Variants in JAKMIP1 observed in about 807,000 individuals in gnomAD.
The protein encoded by JAKMIP1 is janus kinase and microtubule-interacting protein 1.
A neutral mutation model predicts 113.0 loss-of-function variants in JAKMIP1; 33 were observed. That is an observed-to-expected ratio of 0.29 (90% CI 0.22 to 0.39). The LOEUF is 0.39. Among genes scored for constraint, JAKMIP1 ranks in the 10% least tolerant of loss-of-function variants. JAKMIP1 has a pLI of 1.00. For synonymous variants in JAKMIP1, 480 were observed against 459.9 expected (o/e 1.04, Z -0.56); for missense variants, 813 against 1,080.5 (o/e 0.75, Z 3.47).
chr4:6,196,700 A>T (rs1727884103), intron 1 of JAKMIP1, among the ~76,000 whole-genome samples: 1 of 152,116 alleles, frequency 6.6e-6, no homozygotes, highest in African/African-American at 2.4e-5. Flanking sequence ...CTCTACTAAA[A>T]ATACAAAAAA....
At chr4:6,126,376 A>AACACACACCATGCAGAAACACTCACACAC (rs1287751613) in intron 1 of JAKMIP1, among the ~76,000 whole-genome samples, 2 of 134,806 alleles carry the variant, frequency 1.5e-5, no homozygotes, top group African/African-American at 2.9e-5. Flanking sequence ...CACATGCACA[A>AACACACACCATGCAGAAACACTCACACAC]ACACACATCA....
intron 16 of JAKMIP1, among the ~76,000 whole-genome samples, chr4:6,043,201 C>T (rs980252033): frequency 2.6e-5 from 4 of 151,958 alleles, no homozygotes; most frequent in Non-Finnish European, 5.9e-5. Context: ...CCCTCTTTCC[C>T]GACCCCAGGC....
rs769644028 is a variant in JAKMIP1, at chr4:6,089,623, G to A, written c.625-3994C>T. ...CTCTGCCCCAAAGGAACAGAGTCCG[G>A]TTGTTTCTAAGCAGTCAAGTCCACC... On this transcript the variant is annotated intron_variant, in intron 3 of 20. Coordinates refer to ENST00000409021, the MANE Select transcript of JAKMIP1 (RefSeq NM_001099433.2). The surrounding 1 kb of genome is among the most constrained non-coding windows in gnomAD (Gnocchi z 5.3). Among the ~76,000 whole-genome samples, 3 of 152,162 alleles carry A rather than the reference G, an allele frequency of 2.0e-5. No individual in the cohort carries two copies. The highest frequency in any genetic ancestry group is 4.4e-5 in the Non-Finnish European group (3 of 68,040).
At chr4:6,053,898 T>TAAA in intron 13 of JAKMIP1, 152 bp downstream of exon 13, 1 of 1,192,702 alleles carries the variant, frequency 8.4e-7, no homozygotes, top group Non-Finnish European at 1.1e-6. Flanking sequence ...CATACAGATT[T>TAAA]AAAAAAAAAA....
intron 12 of JAKMIP1, chr4:6,054,867 G>C: frequency 4.4e-6 from 2 of 456,716 alleles, no homozygotes; most frequent in South Asian, 3.1e-5. Context: ...CAGAAGGCTA[G>C]AGGGGGGCCC....
In JAKMIP1 at chr4:6,106,026, C is replaced by A; in HGVS notation, c.130-59G>T. On this transcript the variant is annotated intron_variant, in intron 2 of 20. Coordinates refer to ENST00000409021, the MANE Select transcript of JAKMIP1 (RefSeq NM_001099433.2). The surrounding 1 kb of genome is among the most constrained non-coding windows in gnomAD (Gnocchi z 5.9). ...TCAGGGTCAGGGTCAGGGTCAGGGT[C>A]AGGGTCACAGCTGGGGGAGCTGGCC... is the stretch of plus-strand genomic sequence containing the variant. 4 of 1,228,570 alleles carry A rather than the reference C, an allele frequency of 3.3e-6. No individual in the cohort carries two copies. The highest frequency in any genetic ancestry group is 4.5e-6 in the Non-Finnish European group (4 of 884,478). 76.1% of individuals were successfully genotyped at this position (1,228,570 alleles called of 1,614,324 possible).
rs60192174 is a variant in JAKMIP1, at chr4:6,157,509, T to C, written c.-148+42744A>G. On this transcript the variant is annotated intron_variant, in intron 1 of 20. Transcript: ENST00000409021. This position sits in a 1 kb window ranked among gnomAD's most constrained non-coding sequence, Gnocchi z 4.7. Reference sequence around the variant, plus strand: ...TTTCAAATCAAACTTCAGCGTACACTTTCCGTAACACCTTTTTTGACTAAG... The same window carrying C: ...TTTCAAATCAAACTTCAGCGTACACCTTCCGTAACACCTTTTTTGACTAAG... Among the ~76,000 whole-genome samples the C allele has an allele frequency of 0.07, 10,637 of 152,268 alleles. 584 individuals carry two copies. Among genetic ancestry groups the C allele is most frequent in the African/African-American group, 0.15 (6,160 of 41,530 alleles).
At chr4:6,110,629 A>G (rs1008275455) in intron 2 of JAKMIP1, among the ~76,000 whole-genome samples, 2 of 142,320 alleles carry the variant, frequency 1.4e-5, no homozygotes, top group African/African-American at 5.2e-5. Flanking sequence ...TGGTCATGTG[A>G]GCGTATGACA....
intron 3 of JAKMIP1, among the ~76,000 whole-genome samples, chr4:6,085,925 A>G (rs1262129130): frequency 1.3e-5 from 2 of 152,186 alleles, no homozygotes; most frequent in East Asian, 1.9e-4. Context: ...ATGAGATACA[A>G]TAAAACACTG....
Position 6,106,854 on chromosome 4 carries a change from AC to A in JAKMIP1, c.130-888del, listed in dbSNP as rs1479401903. On this transcript the variant is annotated intron_variant, in intron 2 of 20. Transcript: ENST00000409021. The surrounding 1 kb of genome is among the most constrained non-coding windows in gnomAD (Gnocchi z 5.9). Reference sequence around the variant, plus strand: ...TCCTGAATTCTGCCCGTCTCTGAAGACCTGAAATGAATTGCCTCTGGTGGAC... The same window carrying A: ...TCCTGAATTCTGCCCGTCTCTGAAGACTGAAATGAATTGCCTCTGGTGGAC... 1.3e-5 allele frequency among the ~76,000 whole-genome samples: 2 copies of A among 152,176 alleles called. No individual in the cohort carries two copies. The highest frequency in any genetic ancestry group is 2.9e-5 in the Non-Finnish European group (2 of 68,036).
chr4:6,119,035 G>A (rs937198607), intron 1 of JAKMIP1, among the ~76,000 whole-genome samples: 1 of 152,120 alleles, frequency 6.6e-6, no homozygotes, highest in Non-Finnish European at 1.5e-5. Flanking sequence ...GGAGCACTGC[G>A]GCCACACCAG....
intron 1 of JAKMIP1, among the ~76,000 whole-genome samples, chr4:6,160,605 C>A (rs1470068450): frequency 6.6e-6 from 1 of 152,114 alleles, no homozygotes; most frequent in Non-Finnish European, 1.5e-5. Flanking sequence ...AAGCATCCCT[C>A]CCTCCAGGAC....
chr4:6,105,839 C>T lies in JAKMIP1; in HGVS notation c.258G>A (p.Ala86=), dbSNP rs573053484. ...GCTGCCGGATGAGCCCCTCGCGCAG[C>T]GCCTGCAGCTCCTTGGTCTTCTCCT... ...LHEEKTKELQ[A]LREGLIRQHE... Residue 86 remains alanine (A), a synonymous_variant, in exon 3 of 21, where the codon GCG becomes GCA. Coordinates refer to ENST00000409021, the MANE Select transcript of JAKMIP1 (RefSeq NM_001099433.2). The T allele has an allele frequency of 1.4e-5, 23 of 1,611,542 alleles. No individual in the cohort carries two copies. Among genetic ancestry groups the T allele is most frequent in the Middle Eastern group, 3.3e-4 (2 of 6,060 alleles).
chr4:6,104,980 A>C (rs936627029), intron 3 of JAKMIP1, among the ~76,000 whole-genome samples: 2 of 152,214 alleles, frequency 1.3e-5, no homozygotes, highest in African/African-American at 4.8e-5. Context: ...GCTGGCAATT[A>C]GGCCGCCCAG....
rs911164209 is a variant in JAKMIP1, at chr4:6,086,210, T to C, written c.625-581A>G. The stretch of plus-strand genomic sequence containing the variant: ...CCCCAAGGCCACTTCCCATGGTTTC[T>C]ATCTTCTTTATAGACTGTCTTGCTC... On this transcript the variant is annotated intron_variant, in intron 3 of 20. Coordinates refer to ENST00000409021, the MANE Select transcript of JAKMIP1 (RefSeq NM_001099433.2). This position sits in a 1 kb window ranked among gnomAD's most constrained non-coding sequence, Gnocchi z 4.1. Among the ~76,000 whole-genome samples, 39 of 152,212 alleles carry C rather than the reference T, an allele frequency of 2.6e-4. 1 individual carries two copies. The highest frequency in any genetic ancestry group is 3.9e-4 in the Admixed American group (6 of 15,290).
chr4:6,035,797 T>C (rs73795704), intron 19 of JAKMIP1, 107 bp downstream of exon 19: 10,926 of 943,986 alleles, frequency 0.012, 351 homozygotes, highest in African/African-American at 0.1. Context: ...CCACCAACTC[T>C]CCCTGGAATG....
chr4:6,107,732 C>T (rs764373644), intron 2 of JAKMIP1, among the ~76,000 whole-genome samples: 5 of 151,388 alleles, frequency 3.3e-5, no homozygotes, highest in South Asian at 4.2e-4. Flanking sequence ...TTAAAACTAA[C>T]GAATAACCTC....
chr4:6,066,998 T>C (rs1718193607), intron 8 of JAKMIP1, among the ~76,000 whole-genome samples: 1 of 152,194 alleles, frequency 6.6e-6, no homozygotes, highest in Non-Finnish European at 1.5e-5. Flanking sequence ...CTTAGGTCTC[T>C]GCACAAATGC....
chr4:6,087,762 T>C (rs1252390421), intron 3 of JAKMIP1, among the ~76,000 whole-genome samples: 2 of 152,216 alleles, frequency 1.3e-5, no homozygotes, highest in African/African-American at 2.4e-5. Context: ...TTAAGAGCTC[T>C]CTGAGGCACC....
Sources: gnomAD v4.1 joint callset for allele counts (sites outside exome capture counted in the v4.1 genomes callset) on GRCh38, gnomAD v4.1.1 for gene constraint, Gnocchi (gnomAD v3.1) non-coding constraint, MANE v1.5 for transcripts, NCBI Gene and HGNC (gene_info 2026-07-23, HGNC 2026-07-21) for gene names.